DENND3: variants seen among roughly 807,000 people sequenced by gnomAD.
DENND3 encodes DENN domain-containing protein 3.
DENND3 carries 88 observed loss-of-function variants against 135.1 expected under a neutral mutation model. The ratio of observed to expected loss-of-function variants is 0.65; its 90% CI spans 0.55 to 0.78. The LOEUF is 0.78. Among genes scored for constraint, DENND3 ranks in the 30% least tolerant of loss-of-function variants. The pLI is 0.00. For synonymous variants in DENND3, 693 were observed against 712.3 expected (o/e 0.97, Z 0.43); for missense variants, 1,392 against 1,688.4 (o/e 0.82, Z 3.08).
chr8:141,144,267 A>G lies in DENND3; in HGVS notation c.735+8A>G, dbSNP rs1349837642. 6.3e-7 allele frequency: 1 copy of G among 1,595,786 alleles called. No homozygotes were observed. The highest frequency in any genetic ancestry group is 2.2e-5 in the East Asian group (1 of 44,574). On this transcript the variant is annotated splice_region_variant and intron_variant, in intron 5 of 22. Coordinates refer to ENST00000519811, the MANE Select transcript of DENND3 (RefSeq NM_001352890.3). This position sits in a 1 kb window ranked among gnomAD's most constrained non-coding sequence, Gnocchi z 4.4. ...CCTGGACCGCTCCATTTGGTAAAGT[A>G]TATCTGAAATTATATTGTTTTTTCT...
intron 5 of DENND3, 43 bp from the exon 6 acceptor site, chr8:141,150,791 C>A (rs757538424): frequency 1.9e-6 from 3 of 1,543,542 alleles, no homozygotes; most frequent in Middle Eastern, 1.7e-4. Context: ...AGCCTCTGCC[C>A]GGAGCAGCTC....
In DENND3 at chr8:141,141,364, G is replaced by A; in HGVS notation, c.623+40G>A. 6.2e-7 allele frequency: 1 copy of A among 1,606,524 alleles called. No individual in the cohort carries two copies. On this transcript the variant is annotated intron_variant, in intron 4 of 22. Transcript: ENST00000519811. This position sits in a 1 kb window ranked among gnomAD's most constrained non-coding sequence, Gnocchi z 5.3. ...CGGGGGCCAGGGGTGGTAGGGGGCA[G>A]CTCTTTGTGCCTCTCCAGGTGAGCC...
Position 141,128,620 on chromosome 8 carries a change from A to C in DENND3, c.-88A>C, listed in dbSNP as rs1205988735. On this transcript the variant is annotated 5_prime_UTR_variant, in exon 1 of 23. Transcript: ENST00000519811. The surrounding 1 kb of genome is among the most constrained non-coding windows in gnomAD (Gnocchi z 4.5). The stretch of plus-strand genomic sequence containing the variant: ...GGCGCTCGCAGCGCCCCCGGCCCCC[A>C]GGCGGCGCGGCTGGTCCCCAGGGGT... The C allele has an allele frequency of 3.8e-6, 3 of 783,128 alleles. No homozygotes were observed. Among genetic ancestry groups the C allele is most frequent in the Non-Finnish European group, 5.0e-6 (3 of 602,580 alleles). 48.5% of individuals were successfully genotyped at this position (783,128 alleles called of 1,614,324 possible).
intron 22 of DENND3, 116 bp downstream of exon 22, chr8:141,192,779 T>C: frequency 2.5e-6 from 4 of 1,599,704 alleles, no homozygotes; most frequent in Non-Finnish European, 3.4e-6. Context: ...CCTTCGCCTC[T>C]CAGGGTTCCC....
intron 8 of DENND3, among the ~76,000 whole-genome samples, chr8:141,160,368 T>G (rs307752): frequency 0.69 from 104,749 of 151,714 alleles, 36,628 homozygotes; most frequent in African/African-American, 0.79. Context: ...TAGTAGAGAA[T>G]GGGTTTCACC....
chr8:141,145,195 C>G (rs1369220052), intron 5 of DENND3, among the ~76,000 whole-genome samples: 3 of 152,252 alleles, frequency 2.0e-5, no homozygotes, highest in Non-Finnish European at 4.4e-5. Context: ...CAGCCGCACA[C>G]CCCCTTATCT....
In DENND3 at chr8:141,175,105, G is replaced by A. The variant is rs1239472039; in HGVS notation, c.2276-95G>A. 7.6e-6 allele frequency: 11 copies of A among 1,440,988 alleles called. No homozygotes were observed. Among genetic ancestry groups the A allele is most frequent in the South Asian group, 6.9e-5 (5 of 72,674 alleles). The allele number at this position is 1,440,988 out of a possible 1,614,324, so 89.3% of individuals were successfully genotyped here. ...CTGGCGCCACCTGCTGCCGGGTTCC[G>A]GTAGTGTGCGGTTTCTTCAGGTCAT... On this transcript the variant is annotated intron_variant, in intron 13 of 22. Transcript: ENST00000519811. This position sits in a 1 kb window ranked among gnomAD's most constrained non-coding sequence, Gnocchi z 5.4.
At chr8:141,192,849 T>G (rs1298778047) in intron 22 of DENND3, 186 bp downstream of exon 22, 3 of 1,539,208 alleles carry the variant, frequency 1.9e-6, no homozygotes, top group Non-Finnish European at 1.7e-6. Flanking sequence ...ATGTGCTGGT[T>G]TCATGGTGTG....
chr8:141,188,262 CAA>C (rs941208979), intron 18 of DENND3: 2 of 152,362 alleles, frequency 1.3e-5, no homozygotes, highest in Admixed American at 6.5e-5. Flanking sequence ...ATTCTGATTT[CAA>C]AGAGTCTAAA....
At chr8:141,177,256 C>T (rs2154613347) in intron 15 of DENND3, 1 of 156,714 alleles carries the variant, frequency 6.4e-6, no homozygotes, top group Middle Eastern at 3.2e-3. Context: ...AAATTGATAG[C>T]TTTGATGATA....
chr8:141,137,663 G>A lies in DENND3; in HGVS notation c.386-359G>A, dbSNP rs571906056. The stretch of plus-strand genomic sequence containing the variant: ...GGTCTTCAGGAATGTTAAAATGGCC[G>A]AGGTAGGAAACTCAGACGAAGCACC... On this transcript the variant is annotated intron_variant, in intron 2 of 22. Coordinates refer to ENST00000519811, the MANE Select transcript of DENND3 (RefSeq NM_001352890.3). This position sits in a 1 kb window ranked among gnomAD's most constrained non-coding sequence, Gnocchi z 4.1. Among the ~76,000 whole-genome samples the A allele has an allele frequency of 1.3e-5, 2 of 152,320 alleles. No individual in the cohort carries two copies. Among genetic ancestry groups the A allele is most frequent in the African/African-American group, 2.4e-5 (1 of 41,576 alleles).
chr8:141,157,665 T>A, intron 8 of DENND3: 1 of 985,992 alleles, frequency 1.0e-6, no homozygotes, highest in Non-Finnish European at 1.2e-6. Context: ...TGGCCTGGCC[T>A]TTCACCTGGC....
chr8:141,187,504 G>T lies in DENND3; in HGVS notation c.3085-1482G>T, dbSNP rs539618031. Among the ~76,000 whole-genome samples, 3 of 152,250 alleles carry T rather than the reference G, an allele frequency of 2.0e-5. No individual in the cohort carries two copies. In the East Asian group the frequency reaches 5.8e-4, roughly 29 times the overall value. On this transcript the variant is annotated intron_variant, in intron 18 of 22. Coordinates refer to ENST00000519811, the MANE Select transcript of DENND3 (RefSeq NM_001352890.3). ...CCCCGCCAAAGTGCTGGGATTACAG[G>T]TGTGAGCCACTGCGCCCGGCCATGG...
At chr8:141,157,759 C>CTTT (rs374868733) in intron 8 of DENND3, 31 of 946,810 alleles carry the variant, frequency 3.3e-5, no homozygotes, top group African/African-American at 2.1e-4. Flanking sequence ...AAAACTACCT[C>CTTT]TTTTTTTTTT....
In DENND3 at chr8:141,165,168, C is replaced by T. The variant is rs753594972; in HGVS notation, c.1450-18C>T. ...GGAGTCGGCACAGCCCAGTGACCAG[C>T]CCCTCTCTCTTTTCCAGGTCTTAGA... On this transcript the variant is annotated intron_variant, in intron 10 of 22. Coordinates refer to ENST00000519811, the MANE Select transcript of DENND3 (RefSeq NM_001352890.3). The T allele has an allele frequency of 1.2e-6, 2 of 1,603,498 alleles. No individual in the cohort carries two copies. The highest frequency in any genetic ancestry group is 3.3e-5 in the Admixed American group (2 of 59,974).
At position 141,136,590 on chromosome 8, in the gene DENND3, A is replaced by G. The variant is rs765492934; in HGVS notation, c.184A>G (p.Ser62Gly). 6 of 1,589,138 alleles carry G rather than the reference A, an allele frequency of 3.8e-6. No homozygotes were observed. In the Admixed American group the frequency reaches 5.4e-5, roughly 14 times the overall value. The change falls in exon 2 of 23, where the codon AGT becomes GGT. Residue 62 changes from serine to glycine, a missense_variant. Transcript: ENST00000519811. ...GTCCATTTTCGTGCCTCCTTTTATCAGTAAAGAGGACAGTCAAATGGCCGG... is the reference window on the plus strand; with the variant it reads ...GTCCATTTTCGTGCCTCCTTTTATCGGTAAAGAGGACAGTCAAATGGCCGG... The part of the protein sequence containing the change: ...VLSIFVPPFI[S>G]KEDSQMAGAN...
At position 141,137,266 on chromosome 8, in the gene DENND3, C is replaced by T. The variant is rs932027906; in HGVS notation, c.385+475C>T. Reference sequence around the variant, plus strand: ...AAGTGCTGGGATTACAGGCGTGAGCCACCGTGCTCGACCTACCTTGGGGAT... The same window carrying T: ...AAGTGCTGGGATTACAGGCGTGAGCTACCGTGCTCGACCTACCTTGGGGAT... On this transcript the variant is annotated intron_variant, in intron 2 of 22. Coordinates refer to ENST00000519811, the MANE Select transcript of DENND3 (RefSeq NM_001352890.3). This position sits in a 1 kb window ranked among gnomAD's most constrained non-coding sequence, Gnocchi z 4.1. Among the ~76,000 whole-genome samples the T allele has an allele frequency of 6.6e-6, 1 of 152,178 alleles. No individual in the cohort carries two copies. The highest frequency in any genetic ancestry group is 2.4e-5 in the African/African-American group (1 of 41,438).
chr8:141,164,059 TC>T (rs1321014881), intron 10 of DENND3, among the ~76,000 whole-genome samples: 1 of 151,970 alleles, frequency 6.6e-6, no homozygotes, highest in African/African-American at 2.4e-5. Flanking sequence ...GCCCCATCCC[TC>T]CCCAGGTCCT....
At chr8:141,149,408 G>T (rs1818521812) in intron 5 of DENND3, among the ~76,000 whole-genome samples, 1 of 152,172 alleles carries the variant, frequency 6.6e-6, no homozygotes. Context: ...CATACTACTG[G>T]TCATAAAAAA....
Sources: allele counts gnomAD v4.1 joint callset (sites outside exome capture counted in the v4.1 genomes callset), GRCh38; gene constraint gnomAD v4.1.1; non-coding constraint Gnocchi (gnomAD v3.1); transcripts MANE v1.5; gene names NCBI Gene and HGNC (gene_info 2026-07-23, HGNC 2026-07-21).